Variants in ATP13A3 observed in about 807,000 individuals in gnomAD.
ATP13A3 encodes the protein ATPase 13A3.
In ATP13A3, 59 loss-of-function variants were observed where a neutral mutation model predicts 158.1. The ratio of observed to expected loss-of-function variants is 0.37; its 90% confidence interval spans 0.30 to 0.46. The LOEUF (loss-of-function observed/expected upper bound fraction) is 0.46. Among genes scored for constraint, ATP13A3 ranks in the 20% least tolerant of loss-of-function variants. The probability of loss-of-function intolerance (pLI) is 1.00; values close to 1 mark genes in which losing one functional copy is unlikely to be tolerated. For missense variants in ATP13A3, 1,166 were observed against 1,525.2 expected (o/e 0.76, Z 3.92); for synonymous variants, 491 against 504.3 (o/e 0.97, Z 0.35).
chr3:194,458,756 T>C (rs1469118989), intron 6 of ATP13A3, among the ~76,000 whole-genome samples: 1 of 152,188 alleles, frequency 6.6e-6, no homozygotes, highest in Non-Finnish European at 1.5e-5. Flanking sequence ...AAAATGCCCA[T>C]GCCCATTCCA....
intron 2 of ATP13A3, among the ~76,000 whole-genome samples, chr3:194,463,203 T>C (rs1332153966): frequency 6.6e-6 from 1 of 151,974 alleles, no homozygotes; most frequent in Non-Finnish European, 1.5e-5. Flanking sequence ...CGATTCCAAG[T>C]CCACTGGGCA....
chr3:194,460,531 T>C (rs1719574902), intron 4 of ATP13A3, 127 bp downstream of exon 4: 4 of 959,398 alleles, frequency 4.2e-6, no homozygotes, highest in Non-Finnish European at 6.2e-6. Flanking sequence ...CTAGAAATAC[T>C]AGAATTAGCA....
In ATP13A3 at chr3:194,447,066, G is replaced by C. The variant is rs1299975585; in HGVS notation, c.1358C>G (p.Thr453Ser). 1.9e-6 allele frequency: 3 copies of C among 1,612,054 alleles called. No homozygotes were observed. In the African/African-American group the frequency reaches 4.0e-5, roughly 22 times the overall value. Reference sequence around the variant, plus strand: ...TGCAGCAGGAAGTGCAGGGGGCACAGTAATTGTGATAATATCAAGAGACTC... The same window carrying C: ...TGCAGCAGGAAGTGCAGGGGGCACACTAATTGTGATAATATCAAGAGACTC... ...IIESLDIITI[T>S]VPPALPAAMT... is the part of the protein sequence containing the mutation. Residue 453 changes from threonine to serine, a missense_variant, in exon 14 of 34, where the codon ACT (threonine) becomes AGT (serine). Around this residue, in one of 3 missense-constraint regions of ATP13A3, gnomAD observed 997 missense variants for 1,341.2 expected, o/e 0.74. Transcript: ENST00000645319.
upstream of ATP13A3, among the ~76,000 whole-genome samples, chr3:194,489,581 G>A (rs191452672): frequency 2.2e-3 from 336 of 152,284 alleles, 7 homozygotes; most frequent in South Asian, 5.2e-3. This position sits in a 1 kb window ranked among gnomAD's most constrained non-coding sequence, Gnocchi z 4.1. Context: ...TCTGGCTGCA[G>A]TGTATACCTC....
rs764017393 is a variant in ATP13A3, at chr3:194,427,058, T to A, written c.3125+17A>T. On this transcript the variant is annotated intron_variant, in intron 29 of 33. Transcript: ENST00000645319. The stretch of plus-strand genomic sequence containing the variant: ...CACATATTTTATATAGATTTTTACA[T>A]AGATTGACCAACTTACTCTGATTTT... 4 of 1,599,840 alleles carry A rather than the reference T, an allele frequency of 2.5e-6. No individual in the cohort carries two copies. In the Admixed American group the frequency reaches 5.4e-5, roughly 22 times the overall value.
intron 15 of ATP13A3, among the ~76,000 whole-genome samples, chr3:194,443,260 T>G (rs1718173321): frequency 6.6e-6 from 1 of 152,102 alleles, no homozygotes; most frequent in Non-Finnish European, 1.5e-5. Context: ...TAGGTTTGTT[T>G]TGGGGGGCAG....
chr3:194,410,288 CCT>C (rs1715269010), intron 33 of ATP13A3, among the ~76,000 whole-genome samples: 1 of 92,326 alleles, frequency 1.1e-5, no homozygotes, highest in Non-Finnish European at 2.2e-5. Flanking sequence ...GGCAAAACCT[CCT>C]CTCTGCAAAA....
chr3:194,431,484 A>G (rs1450673163), intron 22 of ATP13A3, among the ~76,000 whole-genome samples: 2 of 152,180 alleles, frequency 1.3e-5, no homozygotes. Context: ...AAACATCTGG[A>G]ATTCTTGTAC....
chr3:194,426,188 C>T (rs1383069318), intron 29 of ATP13A3, among the ~76,000 whole-genome samples: 1 of 148,318 alleles, frequency 6.7e-6, no homozygotes, highest in Non-Finnish European at 1.5e-5. Flanking sequence ...AATTCCACCT[C>T]TTTTTTTTTT....
At position 194,428,884 on chromosome 3, in the gene ATP13A3, A is replaced by C. The variant is rs1717009461; in HGVS notation, c.2908T>G (p.Phe970Val). 1 of 1,598,970 alleles carries C rather than the reference A, an allele frequency of 6.3e-7. No homozygotes were observed. The highest frequency in any genetic ancestry group is 1.3e-5 in the African/African-American group (1 of 74,476). ...ACCAAAATGATTGCCAGATCAATGA[A>C]GAGAAACTGGAAGTCTCCTAGGTTA... Reference protein sequence around the residue: ...LSNLGDFQFLFIDLAIILVVV... With the variant: ...LSNLGDFQFLVIDLAIILVVV... The change falls in exon 28 of 34, where the codon TTC becomes GTC. Residue 970 changes from phenylalanine to valine, a missense_variant. Physicochemically the swap from Phe to Val is conservative, Grantham distance 50. This residue lies in a region of ATP13A3 where 997 missense variants were observed against 1,341.2 expected (regional missense o/e 0.74). Coordinates refer to ENST00000645319, the MANE Select transcript of ATP13A3 (RefSeq NM_001367549.1).
upstream of ATP13A3, chr3:194,487,094 G>GAGGGGC (rs1553810370): frequency 6.6e-6 from 1 of 151,814 alleles, no homozygotes; most frequent in East Asian, 2.0e-4. Flanking sequence ...AAGGGGCGGG[G>GAGGGGC]AGGGGCGGGG....
intron 9 of ATP13A3, 106 bp from the exon 10 acceptor site, chr3:194,453,884 C>T (rs1577071783): frequency 1.3e-6 from 1 of 779,752 alleles, no homozygotes; most frequent in East Asian, 2.6e-5. Context: ...GCATATCACT[C>T]CATCTTTATA....
chr3:194,473,796 G>A (rs1340980318), intron 2 of ATP13A3, among the ~76,000 whole-genome samples: 1 of 152,128 alleles, frequency 6.6e-6, no homozygotes, highest in African/African-American at 2.4e-5. Flanking sequence ...TCCATCAATA[G>A]AAGAATAGAT....
At chr3:194,480,126 T>G (rs1397117113) in intron 2 of ATP13A3, among the ~76,000 whole-genome samples, 2 of 152,166 alleles carry the variant, frequency 1.3e-5, no homozygotes, top group Non-Finnish European at 2.9e-5. Context: ...TAACAAATAA[T>G]AAGTTACCCT....
intron 32 of ATP13A3, among the ~76,000 whole-genome samples, chr3:194,413,479 C>T (rs377760253): frequency 8.5e-5 from 13 of 152,178 alleles, no homozygotes; most frequent in African/African-American, 2.2e-4. Context: ...CATGGGCCAC[C>T]GAGGCCCCAA....
chr3:194,449,993 A>G, intron 11 of ATP13A3, 152 bp downstream of exon 11: 3 of 762,030 alleles, frequency 3.9e-6, no homozygotes, highest in Non-Finnish European at 6.3e-6. Context: ...ATAATGCAGA[A>G]TTCGGTCTAC....
chr3:194,460,852 CAT>C, intron 3 of ATP13A3, 21 bp from the exon 4 acceptor site: 1 of 1,592,352 alleles, frequency 6.3e-7, no homozygotes, highest in Non-Finnish European at 8.6e-7. Flanking sequence ...ACAGCGATCA[CAT>C]GATTAATTAT....
intron 30 of ATP13A3, chr3:194,424,414 T>C (rs1716611499): frequency 6.6e-6 from 1 of 151,872 alleles, no homozygotes. Context: ...GCACAAAATA[T>C]AAAGTAATAA....
chr3:194,446,542 A>C (rs1305673802), intron 14 of ATP13A3, among the ~76,000 whole-genome samples: 9 of 152,144 alleles, frequency 5.9e-5, no homozygotes, highest in Non-Finnish European at 7.4e-5. Flanking sequence ...ACTTGTTTTT[A>C]TTTCTTTCTT....
Sources: gnomAD v4.1 joint callset for allele counts (sites outside exome capture counted in the v4.1 genomes callset) on GRCh38, gnomAD v4.1.1 for gene constraint, gnomAD v4.1.1 regional missense constraint, Gnocchi (gnomAD v3.1) non-coding constraint, MANE v1.5 for transcripts, NCBI Gene and HGNC (gene_info 2026-07-23, HGNC 2026-07-21) for gene names.